TAFA5: variants seen among roughly 807,000 people sequenced by gnomAD.
TAFA5 encodes the protein TAFA chemokine like family member 5.
TAFA5 carries 6 observed loss-of-function variants against 15.3 expected under a neutral mutation model. The ratio of observed to expected loss-of-function variants is 0.39; its 90% CI spans 0.21 to 0.77. TAFA5 has a LOEUF of 0.77. Among genes scored for constraint, TAFA5 ranks in the 30% least tolerant of loss-of-function variants. The pLI, the probability that TAFA5 is intolerant of heterozygous loss-of-function variation, is 0.41. For missense variants in TAFA5, 161 were observed against 193.1 expected, an observed-to-expected ratio of 0.83 and a Z score of 0.98; for synonymous variants, 103 against 80.7, an observed-to-expected ratio of 1.28 and a Z score of -1.48.
At chr22:48,738,809 T>C (rs1930101963) in intron 3 of TAFA5, among the ~76,000 whole-genome samples, 1 of 152,250 alleles carries the variant, frequency 6.6e-6, no homozygotes, top group Admixed American at 6.5e-5. Flanking sequence ...TCTTCAGTCC[T>C]GAGAGTTAAT....
At chr22:48,511,417 AAG>A (rs1468554885) in intron 1 of TAFA5, among the ~76,000 whole-genome samples, 1 of 151,984 alleles carries the variant, frequency 6.6e-6, no homozygotes, top group Non-Finnish European at 1.5e-5. Flanking sequence ...CTGCAGGGAG[AAG>A]CGTGATGTGG....
chr22:48,491,725 C>T (rs1313137072), intron 1 of TAFA5, among the ~76,000 whole-genome samples: 1 of 152,222 alleles, frequency 6.6e-6, no homozygotes, highest in Admixed American at 6.5e-5. Context: ...CGGGCTCACA[C>T]CTTCCTGAGA....
chr22:48,601,034 A>G (rs751617146), intron 1 of TAFA5, among the ~76,000 whole-genome samples: 1 of 152,334 alleles, frequency 6.6e-6, no homozygotes, highest in Non-Finnish European at 1.5e-5. Flanking sequence ...ATCCAGAAGA[A>G]GGGAGGACGT....
chr22:48,577,897 C>T lies in TAFA5; in HGVS notation c.113-68700C>T, dbSNP rs985786047. ...TTCCTGCTGCCTTGCTGACCCACTTCAGGAGTGGGTGGTTCTGCCATAGGG... is the reference window on the plus strand; with the variant it reads ...TTCCTGCTGCCTTGCTGACCCACTTTAGGAGTGGGTGGTTCTGCCATAGGG... On this transcript the variant is annotated intron_variant, in intron 1 of 3. Coordinates refer to ENST00000402357, the MANE Select transcript of TAFA5 (RefSeq NM_001082967.3). Among the ~76,000 whole-genome samples the T allele has an allele frequency of 2.0e-5, 3 of 152,204 alleles. No individual in the cohort carries two copies. The East Asian group carries it at 5.8e-4, about 29-fold the overall frequency.
intron 1 of TAFA5, among the ~76,000 whole-genome samples, chr22:48,583,840 C>T (rs937397342): frequency 6.9e-6 from 1 of 144,530 alleles, no homozygotes; most frequent in African/African-American, 2.5e-5. Flanking sequence ...TATATACACA[C>T]GCCACACAAA....
At chr22:48,491,610 C>G (rs368584159) in intron 1 of TAFA5, among the ~76,000 whole-genome samples, 2 of 152,264 alleles carry the variant, frequency 1.3e-5, no homozygotes, top group African/African-American at 4.8e-5. Context: ...CTTCCCGAGC[C>G]CGCGAGGAGC....
In TAFA5 at chr22:48,560,180, G is replaced by A. The variant is rs183389819; in HGVS notation, c.112+70476G>A. Among the ~76,000 whole-genome samples, 75 of 152,348 alleles carry A rather than the reference G, an allele frequency of 4.9e-4. No homozygotes were observed. Among genetic ancestry groups the A allele is most frequent in the Admixed American group, 9.1e-4 (14 of 15,308 alleles). On this transcript the variant is annotated intron_variant, in intron 1 of 3. Transcript: ENST00000402357. The surrounding 1 kb of genome is among the most constrained non-coding windows in gnomAD (Gnocchi z 4.2). ...GCGTCACTGCTCTCAGCAGGGGACC[G>A]TTTCTCTAACGGGAGCCTGTCAGTT...
chr22:48,498,624 C>T (rs948195738), intron 1 of TAFA5, among the ~76,000 whole-genome samples: 1 of 152,114 alleles, frequency 6.6e-6, no homozygotes, highest in Admixed American at 6.5e-5. Context: ...CAGGGTTTCT[C>T]AGGGCAGCAC....
At chr22:48,661,504 C>T (rs888691944) in intron 2 of TAFA5, among the ~76,000 whole-genome samples, 6 of 152,184 alleles carry the variant, frequency 3.9e-5, no homozygotes, top group Non-Finnish European at 4.4e-5. Context: ...CACCTTATGG[C>T]GTGTTTCCAG....
chr22:48,704,453 C>T (rs746419295), intron 2 of TAFA5, among the ~76,000 whole-genome samples: 1 of 152,102 alleles, frequency 6.6e-6, no homozygotes, highest in Non-Finnish European at 1.5e-5. Flanking sequence ...AAAGGGGCCC[C>T]GGGAAGACGC....
In TAFA5 at chr22:48,606,757, C is replaced by G. The variant is rs568610974; in HGVS notation, c.113-39840C>G. Among the ~76,000 whole-genome samples, 15 of 152,272 alleles carry G rather than the reference C, an allele frequency of 9.9e-5. 1 individual carries two copies. Among genetic ancestry groups the G allele is most frequent in the Admixed American group, 8.5e-4 (13 of 15,296 alleles). On this transcript the variant is annotated intron_variant, in intron 1 of 3. Coordinates refer to ENST00000402357, the MANE Select transcript of TAFA5 (RefSeq NM_001082967.3). ...CGTGTTTCCCCTGCCTGGCTCCTTA[C>G]CTGGAGGCCTGGGTGCAGAGGGGAG...
At chr22:48,720,681 C>T (rs190615204) in intron 3 of TAFA5, among the ~76,000 whole-genome samples, 5 of 152,260 alleles carry the variant, frequency 3.3e-5, no homozygotes, top group African/African-American at 1.2e-4. Context: ...GGCAGCTTCC[C>T]AGAAGTTCTC....
At chr22:48,583,868 ACG>A (rs1327264413) in intron 1 of TAFA5, among the ~76,000 whole-genome samples, 13 of 144,136 alleles carry the variant, frequency 9.0e-5, no homozygotes, top group Non-Finnish European at 1.7e-4. Context: ...CCACACACAC[ACG>A]CAACATCATA....
rs550063650 is a variant in TAFA5, at chr22:48,560,886, A to T, written c.112+71182A>T. ...CGGCCTCCCAAAGTTCTGGGATTAC[A>T]GGTGTGAGCCACCACGCCTGGCCTC... On this transcript the variant is annotated intron_variant, in intron 1 of 3. Transcript: ENST00000402357. The surrounding 1 kb of genome is among the most constrained non-coding windows in gnomAD (Gnocchi z 4.2). Among the ~76,000 whole-genome samples the T allele has an allele frequency of 2.0e-5, 3 of 152,282 alleles. No homozygotes were observed. The East Asian group carries it at 5.8e-4, about 29-fold the overall frequency.
rs1424864652 is a variant in TAFA5, at chr22:48,490,756, A to G, written c.112+1052A>G. 6.9e-6 allele frequency among the ~76,000 whole-genome samples: 1 copy of G among 145,752 alleles called. No individual in the cohort carries two copies. Among genetic ancestry groups the G allele is most frequent in the Non-Finnish European group, 1.5e-5 (1 of 66,648 alleles). Reference sequence around the variant, plus strand: ...AGAATTGCCATGGGCGCGGGAGGTGATGGAAAAATATGGATTCTTTACAAA... The same window carrying G: ...AGAATTGCCATGGGCGCGGGAGGTGGTGGAAAAATATGGATTCTTTACAAA... On this transcript the variant is annotated intron_variant, in intron 1 of 3. Coordinates refer to ENST00000402357, the MANE Select transcript of TAFA5 (RefSeq NM_001082967.3). This position sits in a 1 kb window ranked among gnomAD's most constrained non-coding sequence, Gnocchi z 5.8.
intron 2 of TAFA5, chr22:48,693,299 G>A: frequency 6.2e-7 from 1 of 1,604,840 alleles, no homozygotes; most frequent in Non-Finnish European, 8.5e-7. Flanking sequence ...CCAGAAATTT[G>A]CCCTAAGAGA....
intron 1 of TAFA5, among the ~76,000 whole-genome samples, chr22:48,603,897 G>A (rs891344078): frequency 2.0e-5 from 3 of 152,150 alleles, no homozygotes; most frequent in African/African-American, 7.2e-5. Context: ...TGCACAGAGG[G>A]GAAAGTGAAT....
intron 3 of TAFA5, among the ~76,000 whole-genome samples, chr22:48,744,722 G>A (rs558788831): frequency 5.3e-5 from 8 of 152,260 alleles, no homozygotes; most frequent in East Asian, 3.9e-4. Context: ...CTGTGCTTCC[G>A]CAGCCCTGGG....
At chr22:48,726,886 C>T (rs983192119) in intron 3 of TAFA5, among the ~76,000 whole-genome samples, 7 of 152,190 alleles carry the variant, frequency 4.6e-5, no homozygotes, top group South Asian at 4.1e-4. Flanking sequence ...TTCCATAGGA[C>T]GGGCTGGGGG....
Sources: gnomAD v4.1 joint callset for allele counts (sites outside exome capture counted in the v4.1 genomes callset) on GRCh38, gnomAD v4.1.1 for gene constraint, Gnocchi (gnomAD v3.1) non-coding constraint, MANE v1.5 for transcripts, NCBI Gene and HGNC (gene_info 2026-07-23, HGNC 2026-07-21) for gene names.